The following DTNA variants were observed in gnomAD, a reference collection of about 807,000 sequenced individuals.
DTNA encodes the protein dystrophin-related protein 3.
Under a neutral mutation model 100.7 loss-of-function variants are expected in DTNA, and 43 were observed. That is an observed-to-expected ratio of 0.43 (90% confidence interval 0.33 to 0.55). The LOEUF is 0.55. Among genes scored for constraint, DTNA ranks in the 20% least tolerant of loss-of-function variants. The pLI, the probability that DTNA is intolerant of heterozygous loss-of-function variation, is 0.04. For synonymous variants in DTNA, 349 were observed against 347.9 expected, an observed-to-expected ratio of 1.00 and a Z score of -0.04; for missense variants, 798 against 953.9, an observed-to-expected ratio of 0.84 and a Z score of 2.15.
chr18:34,618,940 C>T (rs1013347957), intron 1 of DTNA, among the ~76,000 whole-genome samples: 2 of 151,874 alleles, frequency 1.3e-5, no homozygotes, highest in Non-Finnish European at 2.9e-5. Flanking sequence ...TTTCATATGA[C>T]AGATACAATA....
intron 1 of DTNA, among the ~76,000 whole-genome samples, chr18:34,753,361 A>ATTTATTTTTTTTTTT (rs1568412397): frequency 3.1e-5 from 3 of 96,890 alleles, no homozygotes; most frequent in African/African-American, 1.1e-4. Flanking sequence ...TTATTTATTT[A>ATTTATTTTTTTTTTT]TTTTATTTTT....
intron 1 of DTNA, among the ~76,000 whole-genome samples, chr18:34,682,076 T>C (rs992207888): frequency 2.0e-5 from 3 of 152,184 alleles, no homozygotes; most frequent in African/African-American, 7.2e-5. Flanking sequence ...GGTTGGCCTC[T>C]TTCACTCAGT....
chr18:34,654,862 G>A lies in DTNA; in HGVS notation c.-1-101114G>A, dbSNP rs567727151. Among the ~76,000 whole-genome samples, 342 of 152,156 alleles carry A rather than the reference G, an allele frequency of 2.2e-3. 3 individuals carry two copies. The highest frequency in any genetic ancestry group is 2.7e-3 in the Non-Finnish European group (181 of 68,010). On this transcript the variant is annotated intron_variant, in intron 1 of 19. Coordinates refer to the DTNA transcript ENST00000283365. ...CTGCCTCAGCCTCCCAAGTAGCTGG[G>A]ATTACAGGTGTGTGCCACCACACCC... is the stretch of plus-strand genomic sequence containing the variant.
intron 1 of DTNA, among the ~76,000 whole-genome samples, chr18:34,702,504 G>A (rs921661270): frequency 2.0e-5 from 3 of 152,204 alleles, no homozygotes; most frequent in Non-Finnish European, 2.9e-5. Flanking sequence ...ATCCATTGGC[G>A]TTTCTTCTTG....
chr18:34,838,001 G>T (rs1467327780), intron 11 of DTNA, 93 bp from the exon 12 acceptor site: 2 of 1,091,530 alleles, frequency 1.8e-6, no homozygotes, highest in Admixed American at 1.9e-5. Flanking sequence ...AATGAAACTT[G>T]GATCTAGACT....
rs1031701667 is a variant in DTNA at position 34,891,387 on chromosome 18, GT to G, written c.*3658del. On this transcript the variant is annotated 3_prime_UTR_variant, in exon 23 of 23. Coordinates refer to ENST00000444659, the MANE Select transcript of DTNA (RefSeq NM_001386795.1). Reference sequence around the variant, plus strand: ...TGGAATAATTTCTTCATTAAAAAATGTTTTTAAAAACACTATATCTTGGGTG... The same window carrying G: ...TGGAATAATTTCTTCATTAAAAAATGTTTTAAAAACACTATATCTTGGGTG... The G allele has an allele frequency of 5.2e-5, 8 of 152,464 alleles. No individual in the cohort carries two copies. The highest frequency in any genetic ancestry group is 1.7e-4 in the African/African-American group (7 of 41,386). The allele number at this position is 152,464 out of a possible 1,614,324, so 9.4% of individuals were successfully genotyped here.
intron 1 of DTNA, among the ~76,000 whole-genome samples, chr18:34,724,863 A>G (rs1230477695): frequency 7.9e-5 from 12 of 152,246 alleles, no homozygotes; most frequent in Non-Finnish European, 1.8e-4. Flanking sequence ...ACAAAACAGC[A>G]TGGTACTGGT....
chr18:34,706,958 T>C (rs577828367), upstream of DTNA, among the ~76,000 whole-genome samples: 1 of 152,318 alleles, frequency 6.6e-6, no homozygotes, highest in African/African-American at 2.4e-5. Flanking sequence ...CTTTTTTAAT[T>C]TAAACCAGTG....
chr18:34,633,567 G>A (rs1375993738), intron 1 of DTNA, among the ~76,000 whole-genome samples: 1 of 152,110 alleles, frequency 6.6e-6, no homozygotes, highest in East Asian at 1.9e-4. Context: ...GATGGCAGAG[G>A]GCCAGGTGGT....
chr18:34,514,553 T>C (rs1483687767), intron 1 of DTNA, among the ~76,000 whole-genome samples: 1 of 152,278 alleles, frequency 6.6e-6, no homozygotes, highest in East Asian at 1.9e-4. Context: ...AATGGGGTAC[T>C]GAAGTGTGGC....
intron 1 of DTNA, among the ~76,000 whole-genome samples, chr18:34,572,379 C>G (rs2047674459): frequency 6.6e-6 from 1 of 152,184 alleles, no homozygotes. Flanking sequence ...GATAGTTACT[C>G]TAATTGAGCT....
chr18:34,532,457 G>A (rs2043234614), intron 1 of DTNA, among the ~76,000 whole-genome samples: 1 of 152,064 alleles, frequency 6.6e-6, no homozygotes, highest in Non-Finnish European at 1.5e-5. Context: ...ATCATTCTAT[G>A]GAGGGTTGGA....
intron 17 of DTNA, chr18:34,867,322 G>A (rs1189622072): frequency 2.4e-6 from 3 of 1,230,162 alleles, no homozygotes; most frequent in Non-Finnish European, 3.0e-6. Context: ...AGACAATAAA[G>A]ATAATGTATT....
upstream of DTNA, among the ~76,000 whole-genome samples, chr18:34,707,994 T>C (rs886461030): frequency 1.3e-5 from 2 of 152,248 alleles, no homozygotes; most frequent in Admixed American, 1.3e-4. Flanking sequence ...TACTTTTTAA[T>C]GATAGAGAAA....
intron 1 of DTNA, among the ~76,000 whole-genome samples, chr18:34,737,271 CACAA>C (rs1786078059): frequency 6.6e-6 from 1 of 152,062 alleles, no homozygotes; most frequent in South Asian, 2.1e-4. Flanking sequence ...AGTTCAAATC[CACAA>C]ACAACATATA....
At chr18:34,526,865 T>C (rs2042675036) in intron 1 of DTNA, among the ~76,000 whole-genome samples, 1 of 152,134 alleles carries the variant, frequency 6.6e-6, no homozygotes, top group Non-Finnish European at 1.5e-5. Flanking sequence ...CATTTAAAGC[T>C]GAAACACATC....
rs112348184 is a variant in DTNA at position 34,775,763 on chromosome 18, C to CT, written c.148+9723dup. ...TTTCCTCAGAGCTTCTAAAATAAAA[C>CT]TGAGTTCAGCCAACACCTTGATTTA... On this transcript the variant is annotated intron_variant, in intron 3 of 22. Coordinates refer to ENST00000444659, the MANE Select transcript of DTNA (RefSeq NM_001386795.1). Among the ~76,000 whole-genome samples, 209 of 152,326 alleles carry CT rather than the reference C, an allele frequency of 1.4e-3. 1 individual carries two copies. The highest frequency in any genetic ancestry group is 4.8e-3 in the African/African-American group (199 of 41,584).
In DTNA at chr18:34,888,127, A is replaced by G; in HGVS notation, c.*393A>G. The G allele has an allele frequency of 2.0e-6, 2 of 985,936 alleles. No individual in the cohort carries two copies. The highest frequency in any genetic ancestry group is 4.7e-5 in the South Asian group (1 of 21,294). 61.1% of individuals were successfully genotyped at this position (985,936 alleles called of 1,614,324 possible). ...TGCTGCTGTTATACACAATGGCAGT[A>G]TTAACAAGCATTTTAAACCTTTGCA... On this transcript the variant is annotated 3_prime_UTR_variant, in exon 23 of 23. Coordinates refer to ENST00000444659, the MANE Select transcript of DTNA (RefSeq NM_001386795.1).
intron 1 of DTNA, among the ~76,000 whole-genome samples, chr18:34,506,153 TCCA>T (rs1386384344): frequency 6.6e-6 from 1 of 152,204 alleles, no homozygotes; most frequent in African/African-American, 2.4e-5. Context: ...ATGTGGTCTC[TCCA>T]CTGACACACT....
Sources: gnomAD v4.1 joint callset for allele counts (sites outside exome capture counted in the v4.1 genomes callset) on GRCh38, gnomAD v4.1.1 for gene constraint, MANE v1.5 for transcripts, NCBI Gene and HGNC (gene_info 2026-07-23, HGNC 2026-07-21) for gene names.